The following COLEC12 variants were observed in gnomAD, a reference collection of about 807,000 sequenced individuals.
COLEC12 encodes collectin subfamily member 12.
In COLEC12, 33 loss-of-function variants were observed where a neutral mutation model predicts 71.1. That is an observed-to-expected ratio of 0.46 (90% CI 0.35 to 0.62). COLEC12 has a LOEUF of 0.62. COLEC12 is among the 20% of genes least tolerant of loss of function. COLEC12 has a pLI of 0.00. For synonymous variants in COLEC12, 350 were observed against 353.0 expected (o/e 0.99, Z 0.10); for missense variants, 765 against 916.1 (o/e 0.84, Z 2.13).
Position 334,756 on chromosome 18 carries a change from G to C in COLEC12, c.1802C>G (p.Ala601Gly), listed in dbSNP as rs1914068114. 1 of 1,471,272 alleles carries C rather than the reference G, an allele frequency of 6.8e-7. No homozygotes were observed. Among genetic ancestry groups the C allele is most frequent in the East Asian group, 2.6e-5 (1 of 38,642 alleles). 91.1% of individuals were successfully genotyped at this position (1,471,272 alleles called of 1,614,324 possible). A position where few individuals can be genotyped will look rare whatever the true frequency, so the allele number is the denominator to read the frequency against. Residue 601 changes from alanine to glycine, a missense_variant, in exon 6 of 10, where the codon GCA (alanine) becomes GGA (glycine). By Grantham distance (60) the Ala-to-Gly change is moderately conservative. Transcript: ENST00000400256. Reference sequence around the variant, plus strand: ...CTTGGACTTACCATTGTCCTCCGGTGCTGGGGTTGGCTCATTCTGCAGGGC... The same window carrying C: ...CTTGGACTTACCATTGTCCTCCGGTCCTGGGGTTGGCTCATTCTGCAGGGC... ...PLALQNEPTP[A>G]PEDNGCPPHW...
At chr18:336,454 G>A (rs1165907288) in intron 5 of COLEC12, among the ~76,000 whole-genome samples, 1 of 152,222 alleles carries the variant, frequency 6.6e-6, no homozygotes, top group Non-Finnish European at 1.5e-5. Context: ...AGAGGCCCAT[G>A]TAACACAGGA....
intron 2 of COLEC12, among the ~76,000 whole-genome samples, chr18:361,156 T>C (rs1914735477): frequency 6.6e-6 from 1 of 152,342 alleles, no homozygotes; most frequent in Non-Finnish European, 1.5e-5. Context: ...GTTCACTTAC[T>C]GCCTACAGTG....
At chr18:363,395 T>C (rs1029195432) in intron 2 of COLEC12, among the ~76,000 whole-genome samples, 1 of 152,200 alleles carries the variant, frequency 6.6e-6, no homozygotes, top group African/African-American at 2.4e-5. Context: ...ATTTTCATGA[T>C]CACAAGTGTC....
chr18:321,083 T>C (rs1913692814), intron 9 of COLEC12, among the ~76,000 whole-genome samples: 1 of 152,220 alleles, frequency 6.6e-6, no homozygotes, highest in South Asian at 2.1e-4. Context: ...AGATGGAGTT[T>C]CGCTGTTGTT....
intron 2 of COLEC12, among the ~76,000 whole-genome samples, chr18:407,393 C>T (rs565149759): frequency 2.6e-5 from 4 of 152,242 alleles, no homozygotes; most frequent in East Asian, 1.9e-4. Context: ...GATCTGCAGT[C>T]GGCAAGCTGG....
chr18:341,540 AC>A (rs1212866179), intron 5 of COLEC12, among the ~76,000 whole-genome samples: 5 of 152,144 alleles, frequency 3.3e-5, no homozygotes, highest in African/African-American at 1.2e-4. Context: ...GCACTTTTAG[AC>A]TCAAATCATC....
In COLEC12 at chr18:349,644, C is replaced by T. The variant is rs114489749; in HGVS notation, c.182-1481G>A. ...CTGGAAAAGCCACAGATGCTCAACA[C>T]CAGCCATGAAAGCAGCAGGGAGAGA... On this transcript the variant is annotated intron_variant, in intron 3 of 9. Coordinates refer to ENST00000400256, the MANE Select transcript of COLEC12 (RefSeq NM_130386.3). Among the ~76,000 whole-genome samples, 590 of 152,350 alleles carry T rather than the reference C, an allele frequency of 3.9e-3. 1 individual carries two copies. Among genetic ancestry groups the T allele is most frequent in the African/African-American group, 0.013 (561 of 41,578 alleles).
At chr18:365,572 C>CT (rs1223461288) in intron 2 of COLEC12, among the ~76,000 whole-genome samples, 1 of 152,052 alleles carries the variant, frequency 6.6e-6, no homozygotes, top group Non-Finnish European at 1.5e-5. Flanking sequence ...CAAAAAACTG[C>CT]TTGTGGCTCA....
chr18:345,031 G>A (rs896022221), intron 5 of COLEC12, among the ~76,000 whole-genome samples: 1 of 152,206 alleles, frequency 6.6e-6, no homozygotes, highest in South Asian at 2.1e-4. Flanking sequence ...AGACCAGTGT[G>A]GGGGACATAC....
At chr18:376,790 G>C (rs1342834458) in intron 2 of COLEC12, among the ~76,000 whole-genome samples, 2 of 152,180 alleles carry the variant, frequency 1.3e-5, no homozygotes, top group African/African-American at 4.8e-5. Context: ...AAGGATTAGA[G>C]TAAGGCAAAT....
chr18:321,840 C>A, intron 8 of COLEC12, 33 bp from the exon 9 acceptor site: 1 of 1,604,814 alleles, frequency 6.2e-7, no homozygotes, highest in Non-Finnish European at 8.5e-7. Flanking sequence ...ATGTTATTTG[C>A]ACAGTAATGC....
Position 348,132 on chromosome 18 carries a change from G to T in COLEC12, c.213C>A (p.Gly71=), listed in dbSNP as rs767051650. The T allele has an allele frequency of 3.1e-6, 5 of 1,613,664 alleles. No individual in the cohort carries two copies. The East Asian group carries it at 1.1e-4, about 36-fold the overall frequency. ...CATAGGTTTGGCGAGATGTTTCCATGCCACCTGTGACATTGTCCATTTTCT... is the reference window on the plus strand; with the variant it reads ...CATAGGTTTGGCGAGATGTTTCCATTCCACCTGTGACATTGTCCATTTTCT... ...VVEKMDNVTG[G]METSRQTYDD... The change falls in exon 4 of 10, where the codon GGC becomes GGA. Residue 71 remains glycine (G), a synonymous_variant. Coordinates refer to ENST00000400256, the MANE Select transcript of COLEC12 (RefSeq NM_130386.3).
chr18:370,186 C>G (rs563568718), intron 2 of COLEC12, among the ~76,000 whole-genome samples: 3 of 152,310 alleles, frequency 2.0e-5, no homozygotes, highest in South Asian at 2.1e-4. Flanking sequence ...TCAGCTCTTA[C>G]AGCAGAGAAT....
chr18:413,139 T>C (rs909854477), intron 2 of COLEC12, among the ~76,000 whole-genome samples: 1 of 152,062 alleles, frequency 6.6e-6, no homozygotes, highest in African/African-American at 2.4e-5. Context: ...ATCAAAGGAA[T>C]TAACTGAACG....
At chr18:332,622 C>G (rs537880112) in intron 7 of COLEC12, among the ~76,000 whole-genome samples, 1 of 152,298 alleles carries the variant, frequency 6.6e-6, no homozygotes, top group African/African-American at 2.4e-5. Context: ...GCCTTCTTCG[C>G]TCTTCCTGAC....
rs1325629147 is a variant in COLEC12, at chr18:357,655, T to G, written c.59-133A>C. ...GCCTTACTATACTATGAGAACTATTTTGACAGTAAACACACTGCTTGAGCA... is the reference window on the plus strand; with the variant it reads ...GCCTTACTATACTATGAGAACTATTGTGACAGTAAACACACTGCTTGAGCA... On this transcript the variant is annotated intron_variant, in intron 2 of 9. Coordinates refer to ENST00000400256, the MANE Select transcript of COLEC12 (RefSeq NM_130386.3). The G allele has an allele frequency of 1.2e-5, 8 of 654,308 alleles. No individual in the cohort carries two copies. In the African/African-American group the frequency reaches 1.3e-4, roughly 11 times the overall value. 40.5% of individuals were successfully genotyped at this position (654,308 alleles called of 1,614,324 possible).
At chr18:488,547 A>G (rs1335903171) in intron 1 of COLEC12, among the ~76,000 whole-genome samples, 1 of 152,160 alleles carries the variant, frequency 6.6e-6, no homozygotes, top group Non-Finnish European at 1.5e-5. Flanking sequence ...AAAAGTAAAA[A>G]TAAGGAAAAA....
At chr18:335,930 G>A (rs1040278391) in intron 5 of COLEC12, among the ~76,000 whole-genome samples, 2 of 152,140 alleles carry the variant, frequency 1.3e-5, no homozygotes, top group African/African-American at 4.8e-5. Context: ...ATTAAACTGG[G>A]TTCTCTTAGT....
Position 463,457 on chromosome 18 carries a change from A to G in COLEC12, c.58+17250T>C, listed in dbSNP as rs187917128. 9.6e-3 allele frequency among the ~76,000 whole-genome samples: 1,456 copies of G among 152,302 alleles called. 22 individuals are homozygous for G. The highest frequency in any genetic ancestry group is 0.033 in the African/African-American group (1,385 of 41,544). On this transcript the variant is annotated intron_variant, in intron 2 of 9. Transcript: ENST00000400256. ...AAATCAAGAAAGTAATAAACCACACACACACAGAGAGAAAAATAATTAGTT... is the reference window on the plus strand; with the variant it reads ...AAATCAAGAAAGTAATAAACCACACGCACACAGAGAGAAAAATAATTAGTT...
Sources: gnomAD v4.1 joint callset for allele counts (sites outside exome capture counted in the v4.1 genomes callset) on GRCh38, gnomAD v4.1.1 for gene constraint, MANE v1.5 for transcripts, NCBI Gene and HGNC (gene_info 2026-07-23, HGNC 2026-07-21) for gene names.